The following ADGRD1 variants were observed in gnomAD, a reference collection of about 807,000 sequenced individuals.
ADGRD1 encodes G-protein coupled receptor 133.
In ADGRD1, 77 loss-of-function variants were observed where a neutral mutation model predicts 113.4. That is an observed-to-expected ratio of 0.68 (90% CI 0.57 to 0.82). ADGRD1 has a LOEUF of 0.82. Among genes scored for constraint, ADGRD1 ranks in the 40% least tolerant of loss-of-function variants. ADGRD1 has a pLI of 0.00. For synonymous variants in ADGRD1, 474 were observed against 475.0 expected (o/e 1.00, Z 0.03); for missense variants, 1,036 against 1,139.1 (o/e 0.91, Z 1.30).
At chr12:131,006,108 G>A in intron 12 of ADGRD1, 61 bp downstream of exon 12, 2 of 1,409,046 alleles carry the variant, frequency 1.4e-6, no homozygotes, top group East Asian at 2.3e-5. Flanking sequence ...TGGGTGGCTG[G>A]CCACAGGGAT....
chr12:131,084,615 C>T lies in ADGRD1; in HGVS notation c.1623C>T (p.Cys541=), dbSNP rs745471464. 6.2e-7 allele frequency: 1 copy of T among 1,614,186 alleles called. No homozygotes were observed. The highest frequency in any genetic ancestry group is 8.5e-7 in the Non-Finnish European group (1 of 1,180,022). ...RGNLTYSVCR[C]THLTNFAILM... The stretch of plus-strand genomic sequence containing the variant: ...ACCTCACCTACTCCGTCTGCCGCTG[C>T]ACTCACCTCACCAACTTTGCCATCC... The change falls in exon 15 of 25, where the codon TGC becomes TGT. Residue 541 remains cysteine (C), a synonymous_variant. Coordinates refer to ENST00000261654, the MANE Select transcript of ADGRD1 (RefSeq NM_198827.5). The surrounding 1 kb of genome is among the most constrained non-coding windows in gnomAD (Gnocchi z 4.5).
chr12:131,027,681 A>G lies in ADGRD1; in HGVS notation c.1473+13341A>G, dbSNP rs1880123637. 1 of 152,154 alleles carries G rather than the reference A, an allele frequency of 6.6e-6. No individual in the cohort carries two copies. The highest frequency in any genetic ancestry group is 1.5e-5 in the Non-Finnish European group (1 of 68,042). 9.4% of individuals were successfully genotyped at this position (152,154 alleles called of 1,614,324 possible). A position where few individuals can be genotyped will look rare whatever the true frequency, so the allele number is the denominator to read the frequency against. ...CAGGTAGAATTGTAGAGTCACAGAGAAACAAATTAGAGCTAGGGGTTCAGG... is the reference window on the plus strand; with the variant it reads ...CAGGTAGAATTGTAGAGTCACAGAGGAACAAATTAGAGCTAGGGGTTCAGG... On this transcript the variant is annotated intron_variant, in intron 13 of 24. Coordinates refer to ENST00000261654, the MANE Select transcript of ADGRD1 (RefSeq NM_198827.5). The surrounding 1 kb of genome is among the most constrained non-coding windows in gnomAD (Gnocchi z 5.1).
chr12:130,997,096 A>C (rs372183984), intron 8 of ADGRD1, among the ~76,000 whole-genome samples: 1 of 103,408 alleles, frequency 9.7e-6, no homozygotes, highest in South Asian at 3.7e-4. Flanking sequence ...GGGCAGAGGC[A>C]CCCCTCACCT....
In ADGRD1 at chr12:130,971,724, G is replaced by T; in HGVS notation, c.310+144G>T. ...ATGTCAACGATGGATCGGAGGGCAGGGGAGGGAGGAATACAGGCAAGGAGG... is the reference window on the plus strand; with the variant it reads ...ATGTCAACGATGGATCGGAGGGCAGTGGAGGGAGGAATACAGGCAAGGAGG... On this transcript the variant is annotated intron_variant, in intron 4 of 24. Transcript: ENST00000261654. The surrounding 1 kb of genome is among the most constrained non-coding windows in gnomAD (Gnocchi z 4.2). 1 of 827,114 alleles carries T rather than the reference G, an allele frequency of 1.2e-6. No individual in the cohort carries two copies. Among genetic ancestry groups the T allele is most frequent in the Admixed American group, 3.4e-5 (1 of 29,066 alleles). 51.2% of individuals were successfully genotyped at this position (827,114 alleles called of 1,614,324 possible). A position where few individuals can be genotyped will look rare whatever the true frequency, so the allele number is the denominator to read the frequency against.
intron 15 of ADGRD1, among the ~76,000 whole-genome samples, chr12:131,103,110 C>G (rs562137898): frequency 2.5e-4 from 38 of 152,372 alleles, no homozygotes; most frequent in African/African-American, 9.1e-4. Flanking sequence ...GAGGGAAGTC[C>G]AGCCCCTGGG....
chr12:131,043,844 A>C (rs929383305), intron 13 of ADGRD1, among the ~76,000 whole-genome samples: 1 of 152,152 alleles, frequency 6.6e-6, no homozygotes, highest in African/African-American at 2.4e-5. Context: ...CTTCTTGGAT[A>C]ATTCTGCAGG....
rs1045478345 is a variant in ADGRD1, at chr12:131,104,883, C to G, written c.1724C>G (p.Ser575Cys). ...ALSSISYVGC[S>C]LSVLCLVATL... ...TCGTCTATCAGCTATGTGGGCTGCT[C>G]CCTCTCCGTGCTCTGCCTGGTGGCC... Residue 575 changes from serine (S) to cysteine (C), a missense_variant, in exon 16 of 25, where the codon TCC becomes TGC. Physicochemically the swap from Ser to Cys is moderately radical, Grantham distance 112. Transcript: ENST00000261654. 6.4e-6 allele frequency: 10 copies of G among 1,551,440 alleles called. No homozygotes were observed. The highest frequency in any genetic ancestry group is 8.7e-6 in the Non-Finnish European group (10 of 1,147,304).
chr12:131,073,591 C>T (rs980681703), intron 13 of ADGRD1, among the ~76,000 whole-genome samples: 7 of 152,228 alleles, frequency 4.6e-5, no homozygotes, highest in African/African-American at 9.6e-5. Flanking sequence ...TAAAACTGTA[C>T]ACCTAGTCCA....
At chr12:131,002,667 G>T (rs1309612658) in intron 9 of ADGRD1, 4 of 1,148,010 alleles carry the variant, frequency 3.5e-6, no homozygotes, top group Non-Finnish European at 3.3e-6. Context: ...AGGAAAGAGG[G>T]CTCTTGGAGT....
intron 13 of ADGRD1, among the ~76,000 whole-genome samples, chr12:131,033,835 G>T (rs1413087885): frequency 6.6e-6 from 1 of 152,186 alleles, no homozygotes; most frequent in Admixed American, 6.5e-5. Context: ...AGCCGCGTGG[G>T]TGAAGGCTGG....
At chr12:131,117,211 G>A (rs753568252) in intron 18 of ADGRD1, among the ~76,000 whole-genome samples, 2 of 152,118 alleles carry the variant, frequency 1.3e-5, no homozygotes. Flanking sequence ...TACCTCATTC[G>A]TGGGCCTCCC....
chr12:131,076,988 G>A (rs199942996), intron 14 of ADGRD1, 114 bp downstream of exon 14: 82 of 893,288 alleles, frequency 9.2e-5, no homozygotes, highest in East Asian at 6.5e-4. Flanking sequence ...ACATGGTTGC[G>A]TTATGCGAAA....
chr12:131,062,642 T>C (rs1238533045), intron 13 of ADGRD1, among the ~76,000 whole-genome samples: 1 of 152,156 alleles, frequency 6.6e-6, no homozygotes. Flanking sequence ...GAAAGCTCTC[T>C]CTTACCTGCC....
chr12:131,020,407 G>T (rs1879194333), intron 13 of ADGRD1, among the ~76,000 whole-genome samples: 1 of 152,252 alleles, frequency 6.6e-6, no homozygotes, highest in Admixed American at 6.5e-5. Context: ...CTCCGGCCAG[G>T]GCAGGGCTCT....
rs1313586578 is a variant in ADGRD1, at chr12:130,992,478, GT to G, written c.966+89del. On this transcript the variant is annotated intron_variant, in intron 8 of 24. Coordinates refer to ENST00000261654, the MANE Select transcript of ADGRD1 (RefSeq NM_198827.5). ...GATGTTTCTGTTTGACCTAGATCGA[GT>G]TTAAAAAAAGCAGGAACTTTTACTG... is the stretch of plus-strand genomic sequence containing the variant. 15 of 1,225,818 alleles carry G rather than the reference GT, an allele frequency of 1.2e-5. No homozygotes were observed. The African/African-American group carries it at 2.1e-4, about 17-fold the overall frequency. The allele number at this position is 1,225,818 out of a possible 1,614,324, so 75.9% of individuals were successfully genotyped here. A position where few individuals can be genotyped will look rare whatever the true frequency, so the allele number is the denominator to read the frequency against.
intron 15 of ADGRD1, among the ~76,000 whole-genome samples, chr12:131,095,975 C>A (rs539930950): frequency 9.7e-4 from 143 of 147,916 alleles, no homozygotes; most frequent in African/African-American, 3.4e-3. Flanking sequence ...TGGAAACTGA[C>A]GGTCACGGCC....
intron 5 of ADGRD1, 125 bp downstream of exon 5, chr12:130,982,188 G>A: frequency 3.7e-6 from 3 of 809,038 alleles, no homozygotes; most frequent in Admixed American, 2.8e-5. Flanking sequence ...TGGCACCCGA[G>A]CTCCTTTCCT....
chr12:130,991,285 C>A, intron 7 of ADGRD1: 1 of 485,764 alleles, frequency 2.1e-6, no homozygotes, highest in Non-Finnish European at 3.7e-6. Context: ...TCAACTCCTG[C>A]CACCAGGAAC....
intron 4 of ADGRD1, among the ~76,000 whole-genome samples, chr12:130,975,847 C>G (rs1009837385): frequency 3.3e-5 from 5 of 152,188 alleles, no homozygotes; most frequent in African/African-American, 1.2e-4. Context: ...TCTCGAGTAA[C>G]TTCGGCCCAT....
Sources: gnomAD v4.1 joint callset for allele counts (sites outside exome capture counted in the v4.1 genomes callset) on GRCh38, gnomAD v4.1.1 for gene constraint, Gnocchi (gnomAD v3.1) non-coding constraint, MANE v1.5 for transcripts, NCBI Gene and HGNC (gene_info 2026-07-23, HGNC 2026-07-21) for gene names.